Variants in SYNE2 observed in about 807,000 individuals in gnomAD.
The protein encoded by SYNE2 is spectrin repeat containing nuclear envelope protein 2, also known as nesprin-2.
Under a neutral mutation model 856.3 loss-of-function variants are expected in SYNE2, and 431 were observed. That is an observed-to-expected ratio of 0.50 (90% confidence interval 0.47 to 0.55). The LOEUF is 0.55. SYNE2 is among the 20% of genes least tolerant of loss of function. SYNE2 has a pLI of 0.00. For missense variants in SYNE2, 8,129 were observed against 8,023.2 expected (o/e 1.01, Z -0.50); for synonymous variants, 2,923 against 2,872.3 (o/e 1.02, Z -0.56).
intron 30 of SYNE2, among the ~76,000 whole-genome samples, chr14:64,003,581 G>C (rs990451483): frequency 6.6e-6 from 1 of 152,216 alleles, no homozygotes; most frequent in African/African-American, 2.4e-5. Flanking sequence ...GGTGAAGTCA[G>C]ATGTACATAA....
At chr14:63,811,943 G>T (rs1888628381) in intron 1 of SYNE2, among the ~76,000 whole-genome samples, 2 of 152,140 alleles carry the variant, frequency 1.3e-5, no homozygotes, top group African/African-American at 4.8e-5. Context: ...AGATCACAAG[G>T]CAAAGGGTGA....
At chr14:64,152,469 A>G in intron 84 of SYNE2, 95 bp from the exon 85 acceptor site, 1 of 1,250,602 alleles carries the variant, frequency 8.0e-7, no homozygotes, top group Non-Finnish European at 1.1e-6. Flanking sequence ...ATCTAATGAC[A>G]TTTTTACTTG....
In SYNE2 at chr14:64,174,992, T is replaced by A. The variant is rs1394777486; in HGVS notation, c.17284T>A (p.Leu5762Met). The stretch of plus-strand genomic sequence containing the variant: ...GAGGCGAACTACCTGTGCCCTAACC[T>A]TGGAAGCTGGAGAAAAGTTACTGCT... ...QRRRTTCALTLEAGEKLLLTT... is the reference protein window; with the variant it reads ...QRRRTTCALTMEAGEKLLLTT... The change falls in exon 95 of 116, where the codon TTG (leucine) becomes ATG (methionine). Residue 5762 changes from leucine to methionine, a missense_variant. Coordinates refer to ENST00000555002, the MANE Select transcript of SYNE2 (RefSeq NM_182914.3). 1.9e-6 allele frequency: 3 copies of A among 1,614,004 alleles called. No homozygotes were observed. The highest frequency in any genetic ancestry group is 2.5e-6 in the Non-Finnish European group (3 of 1,180,030).
chr14:64,209,336 C>G (rs564624555), intron 101 of SYNE2, 92 bp from the exon 102 acceptor site: 3 of 1,600,906 alleles, frequency 1.9e-6, no homozygotes, highest in African/African-American at 1.3e-5. Context: ...GGGTCTCCCC[C>G]ACTAAACCGT....
chr14:63,996,095 T>G (rs1238468524), intron 23 of SYNE2, among the ~76,000 whole-genome samples: 1 of 152,166 alleles, frequency 6.6e-6, no homozygotes, highest in Non-Finnish European at 1.5e-5. Flanking sequence ...TTCAGCAAGC[T>G]CAAAACTGAA....
chr14:64,070,489 A>G (rs1245427867), intron 51 of SYNE2, among the ~76,000 whole-genome samples, 156 bp from the exon 52 acceptor site: 2 of 152,242 alleles, frequency 1.3e-5, no homozygotes, highest in Non-Finnish European at 2.9e-5. Flanking sequence ...GGATTCTGAT[A>G]GTAGAGGATT....
chr14:63,818,036 A>AAAC (rs1555341604), intron 1 of SYNE2, among the ~76,000 whole-genome samples: 1 of 149,354 alleles, frequency 6.7e-6, no homozygotes, highest in Non-Finnish European at 1.5e-5. Flanking sequence ...AAAAAAAAAA[A>AAAC]AAAAAAAAAA....
At chr14:63,784,955 G>T (rs1449429215) in intron 1 of SYNE2, among the ~76,000 whole-genome samples, 1 of 151,380 alleles carries the variant, frequency 6.6e-6, no homozygotes, top group Admixed American at 6.6e-5. Flanking sequence ...TATTTTTTTG[G>T]GGGGGTGAGG....
intron 36 of SYNE2, 52 bp from the exon 37 acceptor site, chr14:64,021,805 T>C (rs1395972833): frequency 5.7e-6 from 9 of 1,583,994 alleles, no homozygotes; most frequent in Non-Finnish European, 6.9e-6. Context: ...ATGCTTTGTG[T>C]AATTTGAGCC....
rs59063086 is a variant in SYNE2 at position 63,948,166 on chromosome 14, T to TACACACACACACACACACACAC, written c.409-1648_409-1627dup. ...GCACATACACACACAGACACACACA[T>TACACACACACACACACACACAC]ACACACACACACACACACACACACA... On this transcript the variant is annotated intron_variant, in intron 6 of 115. Coordinates refer to ENST00000555002, the MANE Select transcript of SYNE2 (RefSeq NM_182914.3). Among the ~76,000 whole-genome samples the TACACACACACACACACACACAC allele has an allele frequency of 8.1e-5, 12 of 147,252 alleles. No individual in the cohort carries two copies. The East Asian group carries it at 2.2e-3, about 27-fold the overall frequency.
At chr14:64,208,556 A>G (rs192056233) in intron 100 of SYNE2, among the ~76,000 whole-genome samples, 1 of 152,248 alleles carries the variant, frequency 6.6e-6, no homozygotes, top group African/African-American at 2.4e-5. Context: ...CAGTGTTTAA[A>G]CTTTGTGTCA....
chr14:64,059,543 C>T (rs2097299839), intron 49 of SYNE2, among the ~76,000 whole-genome samples: 1 of 152,224 alleles, frequency 6.6e-6, no homozygotes, highest in South Asian at 2.1e-4. Flanking sequence ...CTGTGTTGAG[C>T]TGCCTAGAGC....
intron 11 of SYNE2, among the ~76,000 whole-genome samples, chr14:63,972,777 G>A (rs970611895): frequency 2.6e-5 from 4 of 152,106 alleles, no homozygotes; most frequent in African/African-American, 9.7e-5. Flanking sequence ...GGAAAAAACA[G>A]GTTTGGTTTA....
At position 64,186,490 on chromosome 14, in the gene SYNE2, T is replaced by C. The variant is rs370682788; in HGVS notation, c.17623T>C (p.Leu5875=). The change falls in exon 97 of 116, where the codon TTA becomes CTA. Residue 5875 remains leucine, a synonymous_variant. Coordinates refer to ENST00000555002, the MANE Select transcript of SYNE2 (RefSeq NM_182914.3). ...LKELQTMKAD[L]TRHVLVEDVM... ...AGAACTTCAAACTATGAAGGCGGAC[T>C]TAACCCGGCACGTTCTCGTGGAAGA... The C allele has an allele frequency of 1.4e-5, 22 of 1,614,136 alleles. No homozygotes were observed. The highest frequency in any genetic ancestry group is 3.3e-4 in the Middle Eastern group (2 of 6,084).
At chr14:63,842,682 A>G (rs1890108474) in intron 1 of SYNE2, among the ~76,000 whole-genome samples, 1 of 151,278 alleles carries the variant, frequency 6.6e-6, no homozygotes, top group Admixed American at 6.6e-5. Flanking sequence ...CTGGTCTGGA[A>G]CTCCTGACCT....
chr14:64,117,129 G>A (rs533896919), intron 66 of SYNE2, among the ~76,000 whole-genome samples: 1 of 152,132 alleles, frequency 6.6e-6, no homozygotes, highest in African/African-American at 2.4e-5. Flanking sequence ...ATGTTTTTTC[G>A]ATCTGACAAC....
At chr14:64,224,892 C>A in intron 114 of SYNE2, 107 bp from the exon 115 acceptor site, 1 of 1,076,418 alleles carries the variant, frequency 9.3e-7, no homozygotes, top group Non-Finnish European at 1.4e-6. Context: ...TTGGCTGTAA[C>A]ACAACATAAA....
chr14:64,168,023 C>G (rs1050146749), intron 92 of SYNE2, among the ~76,000 whole-genome samples: 1 of 152,100 alleles, frequency 6.6e-6, no homozygotes, highest in African/African-American at 2.4e-5. Flanking sequence ...ATAACTGTAG[C>G]GTTAATAATT....
chr14:63,774,620 C>G (rs8022942), intron 1 of SYNE2, among the ~76,000 whole-genome samples: 74,524 of 151,522 alleles, frequency 0.49, 20,036 homozygotes, highest in South Asian at 0.67. Flanking sequence ...CTGCAGCCCC[C>G]ATGTCCCAGG....
Sources: allele counts gnomAD v4.1 joint callset (sites outside exome capture counted in the v4.1 genomes callset), GRCh38; gene constraint gnomAD v4.1.1; transcripts MANE v1.5; gene names NCBI Gene and HGNC (gene_info 2026-07-23, HGNC 2026-07-21).